SHANK2: variants seen among roughly 807,000 people sequenced by gnomAD.
SHANK2 encodes the protein SH3 and multiple ankyrin repeat domains protein 2.
SHANK2 carries 43 observed loss-of-function variants against 133.7 expected under a neutral mutation model. That is an observed-to-expected ratio of 0.32 (90% CI 0.25 to 0.41). The LOEUF is 0.41. Among genes scored for constraint, SHANK2 ranks in the 10% least tolerant of loss-of-function variants. The pLI is 1.00. For synonymous variants in SHANK2, 1,017 were observed against 952.8 expected (o/e 1.07, Z -1.24); for missense variants, 1,994 against 2,235.8 (o/e 0.89, Z 2.18).
At chr11:70,912,098 A>G (rs1341668733) in intron 10 of SHANK2, among the ~76,000 whole-genome samples, 41 of 97,216 alleles carry the variant, frequency 4.2e-4, no homozygotes, top group Middle Eastern at 6.6e-3. Flanking sequence ...AAAAAAAAAA[A>G]AAAAAAAAAA....
At chr11:70,557,005 T>C (rs1212305913) in intron 17 of SHANK2, among the ~76,000 whole-genome samples, 1 of 152,204 alleles carries the variant, frequency 6.6e-6, no homozygotes, top group Non-Finnish European at 1.5e-5. Context: ...ATTATAGGCA[T>C]GAGTCACCAC....
At chr11:71,246,013 C>T (rs1046928271) in intron 1 of SHANK2, among the ~76,000 whole-genome samples, 10 of 152,194 alleles carry the variant, frequency 6.6e-5, no homozygotes, top group South Asian at 2.1e-4. Context: ...TGGACAGGAA[C>T]GGCTGAGCCC....
chr11:70,564,725 G>T (rs2059947769), intron 17 of SHANK2, among the ~76,000 whole-genome samples: 1 of 151,988 alleles, frequency 6.6e-6, no homozygotes, highest in Non-Finnish European at 1.5e-5. Flanking sequence ...TTTCTATTGA[G>T]ACTTCTCTGA....
intron 17 of SHANK2, among the ~76,000 whole-genome samples, chr11:70,609,916 C>G (rs1351287136): frequency 1.3e-5 from 1 of 75,028 alleles, no homozygotes; most frequent in East Asian, 3.8e-4. Context: ...AGGGATAAAC[C>G]TTGCAAACAT....
intron 15 of SHANK2, among the ~76,000 whole-genome samples, chr11:70,681,876 C>T (rs541447697): frequency 2.6e-5 from 4 of 152,106 alleles, no homozygotes; most frequent in African/African-American, 4.8e-5. Context: ...GGGTTCTGCA[C>T]GGGCTTCAGG....
At chr11:70,661,370 G>A (rs1439539599) in intron 16 of SHANK2, among the ~76,000 whole-genome samples, 2 of 152,124 alleles carry the variant, frequency 1.3e-5, no homozygotes, top group Non-Finnish European at 2.9e-5. Context: ...CATTCCTCAA[G>A]GAAGCCCTAA....
intron 17 of SHANK2, among the ~76,000 whole-genome samples, chr11:70,530,229 A>G (rs1472633048): frequency 2.0e-5 from 3 of 152,196 alleles, no homozygotes; most frequent in Non-Finnish European, 4.4e-5. Flanking sequence ...CAGCCGTGAA[A>G]AGGAGGAGGC....
At chr11:71,138,920 G>T (rs1245290722) in intron 3 of SHANK2, among the ~76,000 whole-genome samples, 1 of 152,140 alleles carries the variant, frequency 6.6e-6, no homozygotes, top group Non-Finnish European at 1.5e-5. Flanking sequence ...GCAGCACAGC[G>T]GGAATGAGAG....
At chr11:71,093,568 A>T (rs1951555398) in intron 7 of SHANK2, among the ~76,000 whole-genome samples, 1 of 151,938 alleles carries the variant, frequency 6.6e-6, no homozygotes, top group Non-Finnish European at 1.5e-5. Flanking sequence ...AAAGTGTGGC[A>T]TCTCCTCCCT....
chr11:70,871,863 A>G (rs1182941340), intron 11 of SHANK2, among the ~76,000 whole-genome samples: 1 of 152,206 alleles, frequency 6.6e-6, no homozygotes, highest in African/African-American at 2.4e-5. Context: ...ATTAATATTT[A>G]AGGCAAGACG....
chr11:70,791,208 C>A (rs1353357869), intron 14 of SHANK2, among the ~76,000 whole-genome samples: 2 of 152,212 alleles, frequency 1.3e-5, no homozygotes, highest in Non-Finnish European at 2.9e-5. Flanking sequence ...AAGTGCAACA[C>A]CACCCAACCT....
At chr11:70,481,176 C>A (rs1555151455) in intron 25 of SHANK2, among the ~76,000 whole-genome samples, 1 of 152,208 alleles carries the variant, frequency 6.6e-6, no homozygotes, top group Non-Finnish European at 1.5e-5. Flanking sequence ...TTTCAGATCA[C>A]CCTGGGAGAT....
intron 5 of SHANK2, among the ~76,000 whole-genome samples, chr11:71,111,720 A>G (rs1555099282): frequency 6.6e-6 from 1 of 152,230 alleles, no homozygotes; most frequent in East Asian, 1.9e-4. Flanking sequence ...CGGAACTAGA[A>G]CTGATCAAAT....
At chr11:70,722,570 A>G (rs556357883) in intron 14 of SHANK2, among the ~76,000 whole-genome samples, 110 of 152,332 alleles carry the variant, frequency 7.2e-4, no homozygotes, top group Non-Finnish European at 1.1e-3. Context: ...AATTACGTAT[A>G]TTGTTAATTT....
chr11:71,169,754 C>CAA (rs35339054), intron 2 of SHANK2, among the ~76,000 whole-genome samples: 5,034 of 90,080 alleles, frequency 0.056, 146 homozygotes, highest in Non-Finnish European at 0.067. Context: ...GACTCCATCT[C>CAA]AAAAAAAAAA....
intron 17 of SHANK2, among the ~76,000 whole-genome samples, chr11:70,565,840 A>AT (rs1217856595): frequency 8.5e-5 from 13 of 152,078 alleles, no homozygotes; most frequent in East Asian, 5.8e-4. Context: ...TATTATTATT[A>AT]TTTTTTTTAA....
At chr11:70,851,170 C>T (rs1337778574) in intron 11 of SHANK2, among the ~76,000 whole-genome samples, 1 of 130,062 alleles carries the variant, frequency 7.7e-6, no homozygotes, top group East Asian at 2.3e-4. Flanking sequence ...GATCCAAATA[C>T]CAGAGCCTTG....
At chr11:70,517,108 A>G (rs2059275625) in intron 17 of SHANK2, among the ~76,000 whole-genome samples, 1 of 152,216 alleles carries the variant, frequency 6.6e-6, no homozygotes, top group South Asian at 2.1e-4. Context: ...AAGAAGATAC[A>G]CAGATGGCAA....
chr11:70,762,458 T>G (rs1565299737), intron 14 of SHANK2, among the ~76,000 whole-genome samples: 1 of 151,992 alleles, frequency 6.6e-6, no homozygotes. Context: ...TATTCTGGAG[T>G]TGGTGGGCAG....
Sources: gnomAD v4.1 joint callset for allele counts (sites outside exome capture counted in the v4.1 genomes callset) on GRCh38, gnomAD v4.1.1 for gene constraint, MANE v1.5 for transcripts, NCBI Gene and HGNC (gene_info 2026-07-23, HGNC 2026-07-21) for gene names.